The following SLC25A21 variants were observed in gnomAD, a reference collection of about 807,000 sequenced individuals.
The protein encoded by SLC25A21 is solute carrier family 25 member 21.
SLC25A21 carries 47 observed loss-of-function variants against 43.8 expected under a neutral mutation model. The observed-to-expected ratio is 1.07, with a 90% CI of 0.85 to 1.37. The LOEUF is 1.37. SLC25A21 is among the 40% of genes most tolerant of loss of function. The probability of loss-of-function intolerance (pLI) is 0.00; values close to 1 mark genes in which losing one functional copy is unlikely to be tolerated. For synonymous variants in SLC25A21, 131 were observed against 121.3 expected, an observed-to-expected ratio of 1.08 and a Z score of -0.52; for missense variants, 352 against 350.2, an observed-to-expected ratio of 1.00 and a Z score of -0.04.
At chr14:37,079,453 G>C (rs1020729519) in intron 1 of SLC25A21, among the ~76,000 whole-genome samples, 4 of 151,838 alleles carry the variant, frequency 2.6e-5, no homozygotes, top group Non-Finnish European at 5.9e-5. Flanking sequence ...AAATAACCAA[G>C]TTCTGTCAAT....
Position 37,172,363 on chromosome 14 carries a change from G to C in SLC25A21, c.-13C>G. The C allele has an allele frequency of 6.3e-7, 1 of 1,589,314 alleles. No individual in the cohort carries two copies. Among genetic ancestry groups the C allele is most frequent in the Non-Finnish European group, 8.6e-7 (1 of 1,167,664 alleles). Reference sequence around the variant, plus strand: ...GCTTGGCGGACATCTTCGCCAGGCGGGAGGACAAGGGAGTGGGCTGAGATG... The same window carrying C: ...GCTTGGCGGACATCTTCGCCAGGCGCGAGGACAAGGGAGTGGGCTGAGATG... On this transcript the variant is annotated 5_prime_UTR_variant, in exon 1 of 10. Transcript: ENST00000331299.
intron 1 of SLC25A21, among the ~76,000 whole-genome samples, chr14:37,086,037 G>A (rs1180654886): frequency 3.3e-5 from 5 of 152,056 alleles, no homozygotes; most frequent in East Asian, 1.9e-4. Flanking sequence ...CCCAGGAGGC[G>A]GAGCTTGCAG....
chr14:36,736,994 G>C (rs1202399057), intron 3 of SLC25A21, among the ~76,000 whole-genome samples: 2 of 152,126 alleles, frequency 1.3e-5, no homozygotes, highest in Non-Finnish European at 2.9e-5. Context: ...GTTTCCCTTT[G>C]GTATGTGATC....
intron 3 of SLC25A21, among the ~76,000 whole-genome samples, chr14:36,741,128 T>C (rs1010399152): frequency 1.3e-5 from 2 of 152,124 alleles, no homozygotes; most frequent in African/African-American, 2.4e-5. Flanking sequence ...GTCACCCCCA[T>C]TGTTGGTTTT....
chr14:37,168,047 A>G (rs933438292), intron 1 of SLC25A21, among the ~76,000 whole-genome samples: 2 of 152,096 alleles, frequency 1.3e-5, no homozygotes, highest in Non-Finnish European at 1.5e-5. Context: ...GGCAAGGTGA[A>G]CCTGCTGGGG....
At chr14:36,681,298 T>C (rs1056764192) in intron 9 of SLC25A21, among the ~76,000 whole-genome samples, 2 of 152,208 alleles carry the variant, frequency 1.3e-5, no homozygotes, top group Non-Finnish European at 2.9e-5. Context: ...TTTTATCTGC[T>C]TCAGTTGTAT....
At chr14:36,989,519 GT>G (rs1262241757) in intron 1 of SLC25A21, among the ~76,000 whole-genome samples, 1 of 149,114 alleles carries the variant, frequency 6.7e-6, no homozygotes, top group Non-Finnish European at 1.5e-5. Context: ...TTTTTTTGCT[GT>G]TTAATTTTAA....
At chr14:36,983,907 C>T (rs1200658166) in intron 1 of SLC25A21, among the ~76,000 whole-genome samples, 5 of 152,200 alleles carry the variant, frequency 3.3e-5, no homozygotes, top group Non-Finnish European at 7.4e-5. Context: ...TCAATTACTA[C>T]ACGTTCTCAC....
intron 4 of SLC25A21, 50 bp downstream of exon 4, chr14:36,734,457 G>T: frequency 7.1e-7 from 1 of 1,399,526 alleles, no homozygotes; most frequent in Non-Finnish European, 9.9e-7. Flanking sequence ...TTGTGCTGAA[G>T]CTGTTACTGT....
At chr14:36,797,140 T>A (rs1291415902) in intron 3 of SLC25A21, among the ~76,000 whole-genome samples, 1 of 152,210 alleles carries the variant, frequency 6.6e-6, no homozygotes, top group Non-Finnish European at 1.5e-5. Context: ...ATATTAGTGG[T>A]AATTATAACT....
chr14:36,805,846 A>T (rs780626448), intron 3 of SLC25A21, among the ~76,000 whole-genome samples: 1 of 152,188 alleles, frequency 6.6e-6, no homozygotes, highest in Non-Finnish European at 1.5e-5. Context: ...AAAAAAGTTG[A>T]TCTAATAGAA....
chr14:36,680,679 T>G lies in SLC25A21; in HGVS notation c.879A>C (p.Ser293=). ...VMLLVYEYTY[S]WLQENW is the part of the protein sequence containing the mutation. ...GCAATCACCAGTTCTCTTGAAGCCA[T>G]GAATAGGTGTATTCATAAACCAGCA... The change falls in exon 10 of 10, where the codon TCA becomes TCC. Residue 293 remains serine, a synonymous_variant. Coordinates refer to ENST00000331299, the MANE Select transcript of SLC25A21 (RefSeq NM_030631.4). 3 of 1,613,288 alleles carry G rather than the reference T, an allele frequency of 1.9e-6. No homozygotes were observed. Among genetic ancestry groups the G allele is most frequent in the Non-Finnish European group, 2.5e-6 (3 of 1,179,614 alleles).
intron 1 of SLC25A21, among the ~76,000 whole-genome samples, chr14:36,983,748 G>A (rs1242848684): frequency 6.6e-6 from 1 of 152,024 alleles, no homozygotes; most frequent in Non-Finnish European, 1.5e-5. Flanking sequence ...GTCCATGAAT[G>A]GTTAAGTGGA....
chr14:37,135,165 T>C (rs913863902), intron 1 of SLC25A21, among the ~76,000 whole-genome samples: 1 of 152,142 alleles, frequency 6.6e-6, no homozygotes, highest in Non-Finnish European at 1.5e-5. Context: ...TGACCTCAAG[T>C]GATCCACCCA....
intron 3 of SLC25A21, among the ~76,000 whole-genome samples, chr14:36,748,170 G>A (rs767633838): frequency 3.3e-5 from 5 of 152,138 alleles, no homozygotes; most frequent in Non-Finnish European, 7.4e-5. Flanking sequence ...TGACTTCCAC[G>A]TTCTCAAGGA....
At chr14:36,907,237 A>G (rs1018037008) in intron 1 of SLC25A21, among the ~76,000 whole-genome samples, 3 of 152,206 alleles carry the variant, frequency 2.0e-5, no homozygotes, top group Admixed American at 2.0e-4. Context: ...AAAATTGAAC[A>G]TAAGTTCAAC....
At chr14:36,779,321 AAAG>A (rs1886950121) in intron 3 of SLC25A21, among the ~76,000 whole-genome samples, 1 of 145,204 alleles carries the variant, frequency 6.9e-6, no homozygotes, top group South Asian at 2.1e-4. Context: ...TCTTATATAT[AAAG>A]AATATTATCC....
chr14:36,778,108 G>T (rs1028520830), intron 3 of SLC25A21, among the ~76,000 whole-genome samples: 1 of 152,016 alleles, frequency 6.6e-6, no homozygotes, highest in Non-Finnish European at 1.5e-5. Flanking sequence ...CTACCTCTTT[G>T]GTTACTCCTT....
chr14:36,769,136 G>A lies in SLC25A21; in HGVS notation c.204-34563C>T, dbSNP rs1594571074. On this transcript the variant is annotated intron_variant, in intron 3 of 9. Coordinates refer to ENST00000331299, the MANE Select transcript of SLC25A21 (RefSeq NM_030631.4). ...TGTGGATAAGGGACATAGGTGATGTGGCATTACTGAAGTGTCAAGGGATAA... is the reference window on the plus strand; with the variant it reads ...TGTGGATAAGGGACATAGGTGATGTAGCATTACTGAAGTGTCAAGGGATAA... Among the ~76,000 whole-genome samples the A allele has an allele frequency of 2.6e-5, 4 of 152,118 alleles. No individual in the cohort carries two copies. In the South Asian group the frequency reaches 8.3e-4, roughly 32 times the overall value.
Sources: gnomAD v4.1 joint callset for allele counts (sites outside exome capture counted in the v4.1 genomes callset) on GRCh38, gnomAD v4.1.1 for gene constraint, MANE v1.5 for transcripts, NCBI Gene and HGNC (gene_info 2026-07-23, HGNC 2026-07-21) for gene names.